Variants in IGF1R observed in about 807,000 individuals in gnomAD.
The protein encoded by IGF1R is insulin-like growth factor 1 receptor.
In IGF1R, 44 loss-of-function variants were observed where a neutral mutation model predicts 144.6. The ratio of observed to expected loss-of-function variants is 0.30; its 90% CI spans 0.24 to 0.39. The LOEUF (loss-of-function observed/expected upper bound fraction) is 0.39. Ranked by LOEUF, IGF1R falls within the 10% of genes least tolerant of loss-of-function variation. IGF1R has a pLI of 1.00. For missense variants in IGF1R, 1,355 were observed against 1,833.7 expected, an observed-to-expected ratio of 0.74 and a Z score of 4.77; for synonymous variants, 795 against 722.8, an observed-to-expected ratio of 1.10 and a Z score of -1.60.
chr15:98,660,491 A>C (rs1038912318), intron 1 of IGF1R: 1 of 152,330 alleles, frequency 6.6e-6, no homozygotes, highest in East Asian at 1.9e-4. Context: ...TGCCTGGTGC[A>C]TAGGAGGAGC....
chr15:98,671,438 G>A (rs369503489), intron 1 of IGF1R, among the ~76,000 whole-genome samples: 2 of 152,244 alleles, frequency 1.3e-5, no homozygotes, highest in South Asian at 2.1e-4. Flanking sequence ...GTAAACAAAC[G>A]TCATTTGTAA....
chr15:98,706,754 G>T (rs1207167016), intron 1 of IGF1R, among the ~76,000 whole-genome samples: 1 of 151,952 alleles, frequency 6.6e-6, no homozygotes, highest in Non-Finnish European at 1.5e-5. Context: ...CATTTATAGA[G>T]AGTGGATAAT....
rs192975841 is a variant in IGF1R at position 98,798,282 on chromosome 15, A to G, written c.640+90175A>G. ...CAGAGAAGGTCTCTAGAGAGGTGAC[A>G]TTTGGACGAAGACCTAAAGGAAAGG... On this transcript the variant is annotated intron_variant, in intron 2 of 20. Coordinates refer to ENST00000650285, the MANE Select transcript of IGF1R (RefSeq NM_000875.5). Among the ~76,000 whole-genome samples the G allele has an allele frequency of 1.1e-4, 16 of 152,198 alleles. 1 individual carries two copies. Among genetic ancestry groups the G allele is most frequent in the African/African-American group, 3.6e-4 (15 of 41,522 alleles).
At chr15:98,905,998 T>C (rs1347421528) in intron 5 of IGF1R, among the ~76,000 whole-genome samples, 1 of 152,196 alleles carries the variant, frequency 6.6e-6, no homozygotes, top group Non-Finnish European at 1.5e-5. Flanking sequence ...TTATTTTTCT[T>C]TAGCTTCCAC....
At position 98,959,734 on chromosome 15, in the gene IGF1R, C is replaced by G. The variant is rs553698051; in HGVS notation, c.*2292C>G. On this transcript the variant is annotated 3_prime_UTR_variant, in exon 21 of 21. Transcript: ENST00000650285. ...TAGGAGTAAGAACAAAGCTGGGATA[C>G]GGTGATTGCTAGTTGTGACTGAAGA... The G allele has an allele frequency of 1.3e-5, 3 of 233,344 alleles. No individual in the cohort carries two copies. In the East Asian group the frequency reaches 1.8e-4, roughly 14 times the overall value. The allele number at this position is 233,344 out of a possible 1,614,324, so 14.5% of individuals were successfully genotyped here. A position where few individuals can be genotyped will look rare whatever the true frequency, so the allele number is the denominator to read the frequency against.
intron 2 of IGF1R, among the ~76,000 whole-genome samples, chr15:98,725,874 C>T (rs557111976): frequency 1.4e-4 from 21 of 151,998 alleles, no homozygotes; most frequent in Admixed American, 3.3e-4. Context: ...CCTGATAAAC[C>T]CATCAGATCT....
chr15:98,659,259 A>G (rs1038549475), intron 1 of IGF1R, among the ~76,000 whole-genome samples: 3 of 152,068 alleles, frequency 2.0e-5, no homozygotes, highest in African/African-American at 4.8e-5. Context: ...TCAGTAAACG[A>G]TGGTCATCCC....
At chr15:98,916,920 C>T (rs772871052) in intron 10 of IGF1R, 44 bp downstream of exon 10, 1 of 1,549,556 alleles carries the variant, frequency 6.5e-7, no homozygotes, top group South Asian at 1.1e-5. Flanking sequence ...ACCCACTGCT[C>T]AGGCCGGTTC....
intron 1 of IGF1R, among the ~76,000 whole-genome samples, chr15:98,700,873 G>A (rs1388588808): frequency 6.6e-6 from 1 of 152,030 alleles, no homozygotes; most frequent in East Asian, 1.9e-4. Flanking sequence ...GAGTTGTGGG[G>A]CCTTGTCTTT....
At chr15:98,650,999 C>T in intron 1 of IGF1R, 1 of 985,178 alleles carries the variant, frequency 1.0e-6, no homozygotes, top group Non-Finnish European at 1.2e-6. Flanking sequence ...CTTACTGGTA[C>T]ATTCAAGATG....
At chr15:98,706,727 C>T (rs780324529) in intron 1 of IGF1R, among the ~76,000 whole-genome samples, 26 of 151,918 alleles carry the variant, frequency 1.7e-4, no homozygotes, top group Non-Finnish European at 4.4e-5. Context: ...TCATTTTTGT[C>T]TGATTTCACT....
In IGF1R at chr15:98,721,037, T is replaced by A. The variant is rs574734356; in HGVS notation, c.640+12930T>A. Among the ~76,000 whole-genome samples, 4 of 152,226 alleles carry A rather than the reference T, an allele frequency of 2.6e-5. No individual in the cohort carries two copies. The South Asian group carries it at 8.3e-4, about 32-fold the overall frequency. On this transcript the variant is annotated intron_variant, in intron 2 of 20. Coordinates refer to ENST00000650285, the MANE Select transcript of IGF1R (RefSeq NM_000875.5). Reference sequence around the variant, plus strand: ...TCAGTGGTTTGGGAGTTGGGTGCGTTCTGCTGTATTTTTTGGTTTTCGGCA... The same window carrying A: ...TCAGTGGTTTGGGAGTTGGGTGCGTACTGCTGTATTTTTTGGTTTTCGGCA...
intron 5 of IGF1R, among the ~76,000 whole-genome samples, chr15:98,902,578 C>T (rs1264940444): frequency 5.5e-5 from 7 of 128,424 alleles, no homozygotes; most frequent in Admixed American, 1.6e-4. Context: ...CCACCACGCC[C>T]GGCTTATTTT....
intron 2 of IGF1R, among the ~76,000 whole-genome samples, chr15:98,858,102 C>CA (rs2011933841): frequency 6.6e-6 from 1 of 152,080 alleles, no homozygotes; most frequent in Admixed American, 6.5e-5. Flanking sequence ...AGAAAACAAC[C>CA]AAAAAAGTCT....
chr15:98,864,052 G>T (rs2012299159), intron 2 of IGF1R, among the ~76,000 whole-genome samples: 1 of 152,052 alleles, frequency 6.6e-6, no homozygotes, highest in African/African-American at 2.4e-5. Context: ...TGAGCCAGGA[G>T]TTTGGGACCA....
At chr15:98,911,709 T>C (rs1178728914) in intron 7 of IGF1R, among the ~76,000 whole-genome samples, 1 of 152,116 alleles carries the variant, frequency 6.6e-6, no homozygotes, top group Non-Finnish European at 1.5e-5. Flanking sequence ...TTGAATAAAA[T>C]AAACCCAAAA....
At position 98,883,426 on chromosome 15, in the gene IGF1R, A is replaced by G. The variant is rs45491297; in HGVS notation, c.641-7899A>G. Among the ~76,000 whole-genome samples, 79 of 152,326 alleles carry G rather than the reference A, an allele frequency of 5.2e-4. No individual in the cohort carries two copies. In the East Asian group the frequency reaches 0.014, roughly 28 times the overall value. On this transcript the variant is annotated intron_variant, in intron 2 of 20. Coordinates refer to ENST00000650285, the MANE Select transcript of IGF1R (RefSeq NM_000875.5). Reference sequence around the variant, plus strand: ...GCATTTGGTTTTACCTCGTGGGTCTAAGCATTTTCAACTAAGCTTCCTTTT... The same window carrying G: ...GCATTTGGTTTTACCTCGTGGGTCTGAGCATTTTCAACTAAGCTTCCTTTT...
intron 2 of IGF1R, among the ~76,000 whole-genome samples, chr15:98,762,652 C>G (rs547076294): frequency 1.3e-5 from 2 of 149,912 alleles, no homozygotes; most frequent in South Asian, 2.1e-4. Context: ...TGCTTGAACC[C>G]GGGAGGTGGA....
intron 1 of IGF1R, among the ~76,000 whole-genome samples, chr15:98,656,814 G>A (rs934794417): frequency 2.6e-5 from 4 of 152,114 alleles, no homozygotes; most frequent in South Asian, 2.1e-4. Context: ...TCCGTCCATC[G>A]TCCAAATTCT....
Sources: gnomAD v4.1 joint callset for allele counts (sites outside exome capture counted in the v4.1 genomes callset) on GRCh38, gnomAD v4.1.1 for gene constraint, MANE v1.5 for transcripts, NCBI Gene and HGNC (gene_info 2026-07-23, HGNC 2026-07-21) for gene names.